The following TTC21B variants were observed in gnomAD, a reference collection of about 807,000 sequenced individuals.
TTC21B encodes the protein tetratricopeptide repeat domain 21B.
In TTC21B, 127 loss-of-function variants were observed where a neutral mutation model predicts 175.1. That is an observed-to-expected ratio of 0.73 (90% CI 0.63 to 0.84). The LOEUF is 0.84. Ranked by LOEUF, TTC21B falls within the 40% of genes least tolerant of loss-of-function variation. TTC21B has a pLI of 0.00. For missense variants in TTC21B, 1,561 were observed against 1,558.3 expected, an observed-to-expected ratio of 1.00 and a Z score of -0.03; for synonymous variants, 524 against 524.5, an observed-to-expected ratio of 1.00 and a Z score of 0.01.
intron 12 of TTC21B, among the ~76,000 whole-genome samples, chr2:165,920,370 C>T (rs1234074347): frequency 2.0e-5 from 3 of 152,124 alleles, no homozygotes; most frequent in Admixed American, 6.5e-5. Context: ...TTCTCAGAGA[C>T]AGAAGATTAA....
intron 26 of TTC21B, 44 bp downstream of exon 26, chr2:165,883,750 T>C (rs377129373): frequency 2.7e-6 from 4 of 1,463,840 alleles, no homozygotes; most frequent in African/African-American, 2.8e-5. Flanking sequence ...GGAAAGCTTA[T>C]GCAACAAAGG....
chr2:165,877,998 G>T (rs1684723662), intron 27 of TTC21B, among the ~76,000 whole-genome samples: 1 of 152,070 alleles, frequency 6.6e-6, no homozygotes, highest in African/African-American at 2.4e-5. Flanking sequence ...GTGGTTTCTT[G>T]ACTAGCTTTG....
chr2:165,894,952 TTC>T (rs1460221402), intron 22 of TTC21B, among the ~76,000 whole-genome samples: 1 of 152,146 alleles, frequency 6.6e-6, no homozygotes, highest in East Asian at 1.9e-4. Context: ...GCCTGTGACT[TTC>T]TGTTAGCATG....
intron 21 of TTC21B, 149 bp from the exon 22 acceptor site, chr2:165,898,916 C>T (rs1685461088): frequency 3.0e-6 from 2 of 669,000 alleles, no homozygotes; most frequent in Admixed American, 2.2e-5. Context: ...AGATTCAAGC[C>T]CACCTTGTGC....
intron 27 of TTC21B, among the ~76,000 whole-genome samples, chr2:165,877,517 GGTAT>G (rs921436615): frequency 6.6e-6 from 1 of 152,092 alleles, no homozygotes; most frequent in African/African-American, 2.4e-5. Flanking sequence ...ATGCTGTACA[GGTAT>G]GTAGCCTAGG....
chr2:165,909,560 TA>T (rs1183947802), intron 18 of TTC21B, among the ~76,000 whole-genome samples: 1 of 152,106 alleles, frequency 6.6e-6, no homozygotes, highest in Non-Finnish European at 1.5e-5. Context: ...AAATAATACC[TA>T]ACCTTATCAC....
Position 165,926,832 on chromosome 2 carries a change from C to A in TTC21B, c.1387-2154G>T, listed in dbSNP as rs888115878. 5.3e-5 allele frequency among the ~76,000 whole-genome samples: 8 copies of A among 151,412 alleles called. No individual in the cohort carries two copies. The South Asian group carries it at 1.0e-3, about 20-fold the overall frequency. On this transcript the variant is annotated intron_variant, in intron 11 of 28. Transcript: ENST00000243344. ...TTTCTCCCATGCTGGATGCTTCCTG[C>A]CCTTGAACATTGGACTCCAAGTTCT...
At chr2:165,877,615 C>T (rs1307605692) in intron 27 of TTC21B, among the ~76,000 whole-genome samples, 3 of 152,124 alleles carry the variant, frequency 2.0e-5, no homozygotes, top group Non-Finnish European at 2.9e-5. Context: ...GATGTTCACA[C>T]AATGATGAAA....
intron 22 of TTC21B, among the ~76,000 whole-genome samples, chr2:165,896,973 C>T (rs1048906782): frequency 1.3e-5 from 2 of 152,132 alleles, no homozygotes; most frequent in Non-Finnish European, 1.5e-5. Context: ...CCTTCCCCAC[C>T]TGGGCCCTGG....
intron 8 of TTC21B, among the ~76,000 whole-genome samples, chr2:165,931,236 T>C (rs568672369): frequency 2.0e-5 from 3 of 152,124 alleles, no homozygotes; most frequent in Middle Eastern, 3.2e-3. Context: ...CTTAGTTTAA[T>C]GAACTTTTCA....
At chr2:165,920,412 A>C (rs1224507014) in intron 12 of TTC21B, among the ~76,000 whole-genome samples, 2 of 152,212 alleles carry the variant, frequency 1.3e-5, no homozygotes, top group Non-Finnish European at 2.9e-5. Context: ...TAGCATAATG[A>C]CTTACTAAAC....
intron 25 of TTC21B, among the ~76,000 whole-genome samples, chr2:165,886,445 G>T (rs1029889103): frequency 6.6e-6 from 1 of 152,058 alleles, no homozygotes; most frequent in East Asian, 1.9e-4. Flanking sequence ...CTTAGCACTC[G>T]CTGGCTGCTT....
At position 165,929,355 on chromosome 2, in the gene TTC21B, C is replaced by G; in HGVS notation, c.1186-20G>C. 6.4e-7 allele frequency: 1 copy of G among 1,568,836 alleles called. No homozygotes were observed. The highest frequency in any genetic ancestry group is 8.7e-7 in the Non-Finnish European group (1 of 1,142,962). On this transcript the variant is annotated intron_variant, in intron 10 of 28. Transcript: ENST00000243344. The stretch of plus-strand genomic sequence containing the variant: ...TAATTCCTAGAAAATAAGTAGTTTT[C>G]ATAAATTATTCCATTTAGTTATAAA...
chr2:165,927,331 A>ATTTTAT (rs1686711308), intron 11 of TTC21B, among the ~76,000 whole-genome samples: 25 of 89,304 alleles, frequency 2.8e-4, no homozygotes, highest in African/African-American at 8.7e-4. Context: ...ATATATATAT[A>ATTTTAT]ATATATAATA....
At chr2:165,889,615 A>G (rs1685122215) in intron 24 of TTC21B, among the ~76,000 whole-genome samples, 1 of 151,808 alleles carries the variant, frequency 6.6e-6, no homozygotes, top group African/African-American at 2.4e-5. Flanking sequence ...TAAACATGCC[A>G]CTTCCCTGCT....
At chr2:165,880,630 A>C in intron 27 of TTC21B, 49 bp downstream of exon 27, 1 of 1,602,818 alleles carries the variant, frequency 6.2e-7, no homozygotes, top group Non-Finnish European at 8.5e-7. Flanking sequence ...AAAATTAATA[A>C]ATACAACATA....
At chr2:165,905,920 C>G (rs1574086940) in intron 19 of TTC21B, among the ~76,000 whole-genome samples, 3 of 152,224 alleles carry the variant, frequency 2.0e-5, no homozygotes, top group East Asian at 1.9e-4. Flanking sequence ...TTTACCAAAA[C>G]TGATTATAAT....
At chr2:165,907,124 T>C (rs939526223) in intron 19 of TTC21B, among the ~76,000 whole-genome samples, 76 of 152,188 alleles carry the variant, frequency 5.0e-4, no homozygotes, top group African/African-American at 1.8e-3. Flanking sequence ...GTTTTAACAT[T>C]TGAAAATAAG....
intron 6 of TTC21B, chr2:165,933,886 C>T (rs1687006965): frequency 1.3e-5 from 2 of 152,094 alleles, no homozygotes; most frequent in South Asian, 2.1e-4. Flanking sequence ...CTGGCACTTG[C>T]TATCAGTACA....
Sources: allele counts gnomAD v4.1 joint callset (sites outside exome capture counted in the v4.1 genomes callset), GRCh38; gene constraint gnomAD v4.1.1; transcripts MANE v1.5; gene names NCBI Gene and HGNC (gene_info 2026-07-23, HGNC 2026-07-21).